PRELID2: variants seen among roughly 807,000 people sequenced by gnomAD.
PRELID2 encodes PRELI domain-containing protein 2.
In PRELID2, 25 loss-of-function variants were observed where a neutral mutation model predicts 28.4. The observed-to-expected ratio is 0.88, with a 90% CI of 0.64 to 1.23. The LOEUF (loss-of-function observed/expected upper bound fraction) is 1.23, where lower values mean the gene tolerates loss of function less well. PRELID2 is among the 50% of genes most tolerant of loss of function. PRELID2 has a pLI of 0.00. For missense variants in PRELID2, 201 were observed against 214.4 expected (o/e 0.94, Z 0.39); for synonymous variants, 76 against 71.6 (o/e 1.06, Z -0.31).
At chr5:145,769,332 A>G (rs338893) in intron 5 of PRELID2, among the ~76,000 whole-genome samples, 129,227 of 152,204 alleles carry the variant, frequency 0.85, 55,142 homozygotes, top group East Asian at 0.99. Context: ...AGCTGTGCTG[A>G]CCAAATGTAT....
At chr5:145,506,955 A>G (rs2126637940) in intron 1 of PRELID2, among the ~76,000 whole-genome samples, 1 of 152,266 alleles carries the variant, frequency 6.6e-6, no homozygotes, top group South Asian at 2.1e-4. Flanking sequence ...ATAAATTTCA[A>G]TTAACTCATT....
At chr5:145,637,700 C>CA (rs1462463727) in intron 1 of PRELID2, among the ~76,000 whole-genome samples, 3 of 152,016 alleles carry the variant, frequency 2.0e-5, no homozygotes, top group African/African-American at 7.3e-5. Context: ...GGAGGAAACA[C>CA]AGAGGTCATC....
intron 5 of PRELID2, among the ~76,000 whole-genome samples, chr5:145,774,467 T>C (rs1758289173): frequency 6.6e-6 from 1 of 152,234 alleles, no homozygotes; most frequent in African/African-American, 2.4e-5. Context: ...CACAACAGAC[T>C]TTTGTTAACC....
rs539248494 is a variant in PRELID2 at position 145,477,513 on chromosome 5, C to T, written n.71-4198G>A. 9.2e-5 allele frequency among the ~76,000 whole-genome samples: 14 copies of T among 152,286 alleles called. 1 individual carries two copies. Among genetic ancestry groups the T allele is most frequent in the Admixed American group, 1.3e-4 (2 of 15,288 alleles). On this transcript the variant is annotated intron_variant and non_coding_transcript_variant, in intron 1 of 2. Transcript: ENST00000510259. ...GCAACAGGCCCATCAGTGAACCAAT[C>T]GCTATGGCCAAGAATGCATGCATAG...
chr5:145,330,355 C>A, the PRELID2 span, among the ~76,000 whole-genome samples: 1 of 152,140 alleles, frequency 6.6e-6, no homozygotes, highest in Non-Finnish European at 1.5e-5. Flanking sequence ...ATGGTACCAG[C>A]TCCTCTTTGT....
chr5:145,672,780 C>T (rs1465618658), intron 1 of PRELID2, among the ~76,000 whole-genome samples: 1 of 152,198 alleles, frequency 6.6e-6, no homozygotes, highest in African/African-American at 2.4e-5. Flanking sequence ...TGCGACCCAT[C>T]ACCATCAATT....
chr5:145,334,920 T>G, the PRELID2 span, among the ~76,000 whole-genome samples: 39,178 of 151,938 alleles, frequency 0.26, 5,510 homozygotes, highest in African/African-American at 0.37. Context: ...TTCTCTCTTT[T>G]TCTTTTGAAA....
chr5:145,719,521 G>A (rs1453000109), intron 1 of PRELID2, among the ~76,000 whole-genome samples: 1 of 149,594 alleles, frequency 6.7e-6, no homozygotes, highest in African/African-American at 2.5e-5. Context: ...GAGAGAGAGG[G>A]AATACATACA....
At chr5:145,415,935 A>C in the PRELID2 span, among the ~76,000 whole-genome samples, 1 of 152,054 alleles carries the variant, frequency 6.6e-6, no homozygotes, top group African/African-American at 2.4e-5. Flanking sequence ...CTTCCTCTCC[A>C]GCATCTGTTG....
chr5:145,337,736 C>T, the PRELID2 span, among the ~76,000 whole-genome samples: 15 of 6,050 alleles, frequency 2.5e-3, no homozygotes, highest in African/African-American at 5.5e-3. Flanking sequence ...TATATACTCA[C>T]ACACACACAC....
At chr5:145,264,889 G>A in the PRELID2 span, among the ~76,000 whole-genome samples, 4 of 140,968 alleles carry the variant, frequency 2.8e-5, no homozygotes, top group East Asian at 9.0e-4. Flanking sequence ...CAGGAGAATT[G>A]TTCTAACCCA....
At chr5:145,237,407 C>A in the PRELID2 span, among the ~76,000 whole-genome samples, 1 of 151,864 alleles carries the variant, frequency 6.6e-6, no homozygotes, top group Non-Finnish European at 1.5e-5. Context: ...TATGGCTGAG[C>A]TTTCATACAT....
At chr5:145,409,695 C>T in the PRELID2 span, among the ~76,000 whole-genome samples, 7 of 147,108 alleles carry the variant, frequency 4.8e-5, no homozygotes, top group Admixed American at 2.1e-4. Context: ...GGGTGGAACA[C>T]GAGGTCAGGA....
chr5:145,478,738 T>C (rs1752130149), intron 1 of PRELID2, among the ~76,000 whole-genome samples: 3 of 152,170 alleles, frequency 2.0e-5, no homozygotes. Context: ...AATGTTATGT[T>C]TACTTGTATG....
intron 1 of PRELID2, among the ~76,000 whole-genome samples, chr5:145,628,549 C>T (rs116034573): frequency 0.017 from 2,549 of 152,194 alleles, 83 homozygotes; most frequent in African/African-American, 0.058. Flanking sequence ...GTTTTGAACT[C>T]CTGATCTCAG....
At chr5:145,613,563 A>G (rs148701055) in intron 1 of PRELID2, among the ~76,000 whole-genome samples, 7,015 of 151,560 alleles carry the variant, frequency 0.046, 510 homozygotes, top group African/African-American at 0.16. Flanking sequence ...GCAAGGACAA[A>G]AAAACAAACA....
intron 1 of PRELID2, among the ~76,000 whole-genome samples, chr5:145,720,175 C>G (rs1755949345): frequency 6.6e-6 from 1 of 151,610 alleles, no homozygotes; most frequent in African/African-American, 2.4e-5. Flanking sequence ...TGTAATAGAA[C>G]TAATATTTTA....
intron 3 of PRELID2, chr5:145,819,656 CAGATT>C (rs1338609283): frequency 5.3e-6 from 3 of 569,250 alleles, no homozygotes; most frequent in Non-Finnish European, 9.2e-6. Context: ...TAATCATGAA[CAGATT>C]AGATAGTCAC....
chr5:145,599,398 G>A (rs1445364178), intron 1 of PRELID2, among the ~76,000 whole-genome samples: 2 of 149,304 alleles, frequency 1.3e-5, no homozygotes, highest in African/African-American at 5.2e-5. Context: ...ACCCTTAGGA[G>A]GCTTGGAAAG....
Sources: allele counts gnomAD v4.1 joint callset (sites outside exome capture counted in the v4.1 genomes callset), GRCh38; gene constraint gnomAD v4.1.1; transcripts MANE v1.5; gene names NCBI Gene and HGNC (gene_info 2026-07-23, HGNC 2026-07-21).